The following GARS1 variants were observed in gnomAD, a reference collection of about 807,000 sequenced individuals.
GARS1 encodes the protein glycyl-tRNA synthetase 1, also known as glycine--tRNA ligase.
In GARS1, 46 loss-of-function variants were observed where a neutral mutation model predicts 86.4. The observed-to-expected ratio is 0.53, with a 90% CI of 0.42 to 0.68. The LOEUF (loss-of-function observed/expected upper bound fraction) is 0.68. Ranked by LOEUF, GARS1 falls within the 30% of genes least tolerant of loss-of-function variation. The probability of loss-of-function intolerance (pLI) is 0.00; values close to 1 mark genes in which losing one functional copy is unlikely to be tolerated. For synonymous variants in GARS1, 342 were observed against 329.8 expected, an observed-to-expected ratio of 1.04 and a Z score of -0.40; for missense variants, 797 against 915.6, an observed-to-expected ratio of 0.87 and a Z score of 1.67.
intron 14 of GARS1, among the ~76,000 whole-genome samples, chr7:30,629,533 G>A (rs768573787): frequency 2.0e-5 from 3 of 151,796 alleles, no homozygotes; most frequent in Non-Finnish European, 4.4e-5. Flanking sequence ...AAGAAACAGC[G>A]TCATCCACTT....
At chr7:30,601,331 A>G (rs1791373404) in intron 4 of GARS1, 131 bp downstream of exon 4, 1 of 809,756 alleles carries the variant, frequency 1.2e-6, no homozygotes, top group Non-Finnish European at 1.9e-6. Context: ...TCTGAAAAAT[A>G]TGGAAAAGCA....
intron 12 of GARS1, among the ~76,000 whole-genome samples, chr7:30,624,099 G>T (rs1369330986): frequency 6.6e-6 from 1 of 151,854 alleles, no homozygotes; most frequent in Admixed American, 6.6e-5. Flanking sequence ...ACATTATGAG[G>T]TTTTTTTGCA....
At position 30,631,546 on chromosome 7, in the gene GARS1, G is replaced by A; in HGVS notation, c.1903+5G>A. Reference sequence around the variant, plus strand: ...TGCCATTTGTCAAGGAATTATGTAAGCAAATTCAATTGGGTAAACTCCATG... The same window carrying A: ...TGCCATTTGTCAAGGAATTATGTAAACAAATTCAATTGGGTAAACTCCATG... On this transcript the variant is annotated splice_donor_5th_base_variant and intron_variant, in intron 15 of 16. Transcript: ENST00000389266. 1 of 1,598,802 alleles carries A rather than the reference G, an allele frequency of 6.3e-7. No homozygotes were observed. Among genetic ancestry groups the A allele is most frequent in the Non-Finnish European group, 8.6e-7 (1 of 1,166,296 alleles).
chr7:30,619,918 C>T (rs1204835747), intron 10 of GARS1, among the ~76,000 whole-genome samples: 2 of 151,648 alleles, frequency 1.3e-5, no homozygotes, highest in South Asian at 4.2e-4. Context: ...GCTGGGATTA[C>T]AGATACATGG....
chr7:30,617,170 C>T lies in GARS1; in HGVS notation c.1251C>T (p.Leu417=), dbSNP rs781263887. ...TCATTGGCCGCATCTACCTCTACCT[C>T]ACGAAGGTTGGAATATCTCCAGATA... ...GYFIGRIYLY[L]TKVGISPDKL... Residue 417 remains leucine, a synonymous_variant, in exon 10 of 17, where the codon CTC becomes CTT. Coordinates refer to ENST00000389266, the MANE Select transcript of GARS1 (RefSeq NM_002047.4). The T allele has an allele frequency of 6.2e-7, 1 of 1,614,076 alleles. No individual in the cohort carries two copies. Among genetic ancestry groups the T allele is most frequent in the Non-Finnish European group, 8.5e-7 (1 of 1,179,946 alleles).
At chr7:30,619,603 G>C (rs913286228) in intron 10 of GARS1, among the ~76,000 whole-genome samples, 2 of 151,990 alleles carry the variant, frequency 1.3e-5, no homozygotes, top group African/African-American at 2.4e-5. Context: ...GACATGTATA[G>C]GGAATGTCAG....
At chr7:30,595,183 C>G (rs1429304483) in intron 1 of GARS1, 40 bp downstream of exon 1, 9 of 1,486,688 alleles carry the variant, frequency 6.1e-6, no homozygotes, top group East Asian at 4.9e-5. Context: ...CTCCGGCTCT[C>G]CTCCCAGGGC....
intron 12 of GARS1, among the ~76,000 whole-genome samples, chr7:30,625,161 C>CT (rs1783101609): frequency 6.6e-6 from 1 of 152,182 alleles, no homozygotes; most frequent in South Asian, 2.1e-4. Flanking sequence ...CCAGGCTGGT[C>CT]TTGAACTCCT....
chr7:30,622,855 C>T (rs1191748882), intron 12 of GARS1, among the ~76,000 whole-genome samples: 4 of 151,952 alleles, frequency 2.6e-5, no homozygotes, highest in Non-Finnish European at 5.9e-5. Context: ...AATCCCAGCA[C>T]TTTGGGAGGC....
At chr7:30,600,166 A>G in intron 3 of GARS1, 117 bp downstream of exon 3, 1 of 772,894 alleles carries the variant, frequency 1.3e-6, no homozygotes, top group South Asian at 1.5e-5. Flanking sequence ...AAAGCAGAGG[A>G]TGGATGTTTT....
rs768543840 is a variant in GARS1, at chr7:30,609,841, A to G, written c.881+111A>G. 8.1e-6 allele frequency: 7 copies of G among 864,268 alleles called. No homozygotes were observed. The Admixed American group carries it at 1.5e-4, about 18-fold the overall frequency. The allele number at this position is 864,268 out of a possible 1,614,324, so 53.5% of individuals were successfully genotyped here. A position where few individuals can be genotyped will look rare whatever the true frequency, so the allele number is the denominator to read the frequency against. On this transcript the variant is annotated intron_variant, in intron 7 of 16. Coordinates refer to ENST00000389266, the MANE Select transcript of GARS1 (RefSeq NM_002047.4). ...GAAAAATTTTTAAAAAGTGATATACAGAAGTACAGATGAATGTATTATGGA... is the reference window on the plus strand; with the variant it reads ...GAAAAATTTTTAAAAAGTGATATACGGAAGTACAGATGAATGTATTATGGA...
chr7:30,602,907 T>G (rs937253836), intron 4 of GARS1, 127 bp from the exon 5 acceptor site: 2 of 742,092 alleles, frequency 2.7e-6, no homozygotes, highest in African/African-American at 3.5e-5. Context: ...GATACATCAT[T>G]ACTATAGATA....
intron 12 of GARS1, among the ~76,000 whole-genome samples, chr7:30,622,974 G>C (rs886328372): frequency 2.6e-5 from 4 of 151,868 alleles, no homozygotes; most frequent in Admixed American, 2.6e-4. Flanking sequence ...GGTGGCGGGC[G>C]CCTGTAGTCC....
intron 9 of GARS1, 52 bp from the exon 10 acceptor site, chr7:30,617,062 A>G: frequency 1.3e-6 from 2 of 1,583,294 alleles, no homozygotes; most frequent in East Asian, 2.2e-5. Context: ...TTTGAAGAGT[A>G]TTAATGTGTG....
Position 30,632,165 on chromosome 7 carries a change from T to A in GARS1, c.1904-82T>A. The A allele has an allele frequency of 7.4e-7, 1 of 1,348,008 alleles. No homozygotes were observed. The highest frequency in any genetic ancestry group is 1.2e-5 in the South Asian group (1 of 80,858). The allele number at this position is 1,348,008 out of a possible 1,614,324, so 83.5% of individuals were successfully genotyped here. On this transcript the variant is annotated intron_variant, in intron 15 of 16. Coordinates refer to ENST00000389266, the MANE Select transcript of GARS1 (RefSeq NM_002047.4). The surrounding 1 kb of genome is among the most constrained non-coding windows in gnomAD (Gnocchi z 4.1). ...GTCTTGGTCCCATTTATAAGTCTCC[T>A]GAGCTTGTAAGACAGTAGTTAGATA...
intron 6 of GARS1, among the ~76,000 whole-genome samples, chr7:30,609,100 G>A (rs1038965792): frequency 3.3e-5 from 5 of 152,206 alleles, no homozygotes; most frequent in African/African-American, 1.2e-4. Context: ...TCTTCTAGGC[G>A]CTTAATATCT....
Position 30,633,919 on chromosome 7 carries a change from T to A in GARS1, c.*59T>A. 6.5e-7 allele frequency: 1 copy of A among 1,543,264 alleles called. No individual in the cohort carries two copies. Among genetic ancestry groups the A allele is most frequent in the Admixed American group, 1.8e-5 (1 of 56,540 alleles). On this transcript the variant is annotated 3_prime_UTR_variant, in exon 17 of 17. Coordinates refer to ENST00000389266, the MANE Select transcript of GARS1 (RefSeq NM_002047.4). ...AATAAAAAAAAAAAAAAACTACTCT[T>A]ATGTCCACTTTACAAAAGAAAACAG...
chr7:30,598,241 C>T (rs1791297824), intron 1 of GARS1, among the ~76,000 whole-genome samples: 1 of 151,932 alleles, frequency 6.6e-6, no homozygotes. Flanking sequence ...CCCCTCTATA[C>T]CCAAAGGAAA....
intron 9 of GARS1, 44 bp from the exon 10 acceptor site, chr7:30,617,070 G>A (rs1465177926): frequency 1.9e-6 from 3 of 1,598,952 alleles, no homozygotes; most frequent in Non-Finnish European, 1.7e-6. Context: ...GTATTAATGT[G>A]TGTTTTCTTT....
Sources: allele counts gnomAD v4.1 joint callset (sites outside exome capture counted in the v4.1 genomes callset), GRCh38; gene constraint gnomAD v4.1.1; non-coding constraint Gnocchi (gnomAD v3.1); transcripts MANE v1.5; gene names NCBI Gene and HGNC (gene_info 2026-07-23, HGNC 2026-07-21).